The following CUX1 variants were observed in gnomAD, a reference collection of about 807,000 sequenced individuals.
CUX1 encodes protein CASP.
A neutral mutation model predicts 158.8 loss-of-function variants in CUX1; 31 were observed. That is an observed-to-expected ratio of 0.20 (90% CI 0.15 to 0.26). The LOEUF (loss-of-function observed/expected upper bound fraction) is 0.26. Ranked by LOEUF, CUX1 falls within the 10% of genes least tolerant of loss-of-function variation. CUX1 has a pLI of 1.00. For synonymous variants in CUX1, 879 were observed against 862.1 expected, an observed-to-expected ratio of 1.02 and a Z score of -0.34; for missense variants, 1,589 against 2,014.6, an observed-to-expected ratio of 0.79 and a Z score of 4.04.
At chr7:102,258,264 T>C (rs1174721955), downstream of CUX1, 1 of 869,662 alleles carries the variant, frequency 1.1e-6, no homozygotes, top group Non-Finnish European at 1.4e-6. Flanking sequence ...TTTAAAGTGC[T>C]CTGGCCTGAG....
chr7:102,059,938 C>CTA (rs1824596600), intron 3 of CUX1, among the ~76,000 whole-genome samples: 1 of 152,028 alleles, frequency 6.6e-6, no homozygotes, highest in Admixed American at 6.6e-5. Flanking sequence ...GGCATAGAGG[C>CTA]TAGTGGATTG....
At position 101,834,212 on chromosome 7, in the gene CUX1, T is replaced by G. The variant is rs531324270; in HGVS notation, c.30+16543T>G. Among the ~76,000 whole-genome samples, 34 of 146,536 alleles carry G rather than the reference T, an allele frequency of 2.3e-4. No individual in the cohort carries two copies. The South Asian group carries it at 7.4e-3, about 32-fold the overall frequency. On this transcript the variant is annotated intron_variant, in intron 1 of 23. Transcript: ENST00000292535. Reference sequence around the variant, plus strand: ...TTTTTGAGATGGAGTCTCCCTCTGTTGCCCAGGCTGGAGTGCAGTGGCACT... The same window carrying G: ...TTTTTGAGATGGAGTCTCCCTCTGTGGCCCAGGCTGGAGTGCAGTGGCACT...
chr7:101,927,926 G>T (rs1805798485), intron 2 of CUX1, among the ~76,000 whole-genome samples: 1 of 152,184 alleles, frequency 6.6e-6, no homozygotes, highest in African/African-American at 2.4e-5. Flanking sequence ...TTCCTTCCGG[G>T]AGCATCTCAG....
At chr7:102,247,281 C>G (rs1218228520) in intron 23 of CUX1, among the ~76,000 whole-genome samples, 5 of 152,120 alleles carry the variant, frequency 3.3e-5, no homozygotes, top group Non-Finnish European at 7.4e-5. Context: ...CCACAAGCCC[C>G]CAACCTGACC....
chr7:102,268,382 G>C (rs1790961983), intron 14 of CUX1, among the ~76,000 whole-genome samples: 1 of 151,960 alleles, frequency 6.6e-6, no homozygotes, highest in African/African-American at 2.4e-5. Flanking sequence ...CAGCCTCTCT[G>C]TAGCTTCTGA....
At chr7:101,986,225 C>A (rs534972317) in intron 2 of CUX1, among the ~76,000 whole-genome samples, 1 of 152,140 alleles carries the variant, frequency 6.6e-6, no homozygotes, top group Non-Finnish European at 1.5e-5. Context: ...GCACTGGGGT[C>A]GGATCTTCAT....
Position 101,857,800 on chromosome 7 carries a change from A to G in CUX1, c.30+40131A>G, listed in dbSNP as rs547098576. 4.0e-5 allele frequency among the ~76,000 whole-genome samples: 6 copies of G among 151,794 alleles called. No individual in the cohort carries two copies. In the South Asian group the frequency reaches 1.0e-3, roughly 26 times the overall value. On this transcript the variant is annotated intron_variant, in intron 1 of 23. Transcript: ENST00000292535. ...CCCCCTTAGCTCTTCCTCCTGGTGT[A>G]TTTGTAGAAATCAGCTTCATCATGG...
At chr7:102,068,588 G>A (rs985038370) in intron 3 of CUX1, among the ~76,000 whole-genome samples, 2 of 152,146 alleles carry the variant, frequency 1.3e-5, no homozygotes, top group African/African-American at 2.4e-5. Context: ...ACTAGCCATC[G>A]TCCCCCAGTT....
chr7:102,216,466 A>T (rs1394257633), intron 20 of CUX1, among the ~76,000 whole-genome samples: 1 of 151,826 alleles, frequency 6.6e-6, no homozygotes, highest in South Asian at 2.1e-4. Context: ...AGGTTTGTCC[A>T]AAGCCAGAAT....
chr7:102,045,583 C>A (rs200042086), intron 3 of CUX1, among the ~76,000 whole-genome samples: 4 of 150,200 alleles, frequency 2.7e-5, no homozygotes, highest in Non-Finnish European at 1.5e-5. Context: ...TTGAAAACAA[C>A]GGCAAGCTGG....
In CUX1 at chr7:101,916,431, G is replaced by A; in HGVS notation, c.141+206G>A. 2 of 465,982 alleles carry A rather than the reference G, an allele frequency of 4.3e-6. No homozygotes were observed. The allele number at this position is 465,982 out of a possible 1,614,324, so 28.9% of individuals were successfully genotyped here. A position where few individuals can be genotyped will look rare whatever the true frequency, so the allele number is the denominator to read the frequency against. On this transcript the variant is annotated intron_variant, in intron 2 of 23. Transcript: ENST00000292535. This position sits in a 1 kb window ranked among gnomAD's most constrained non-coding sequence, Gnocchi z 4.4. The stretch of plus-strand genomic sequence containing the variant: ...GTGGGGATGTGGAAATTGATAGGTT[G>A]TCTGGAAATATGAAAGTCAGAGCCA...
intron 2 of CUX1, among the ~76,000 whole-genome samples, chr7:102,025,438 G>A (rs1437106362): frequency 6.6e-6 from 1 of 152,086 alleles, no homozygotes; most frequent in Non-Finnish European, 1.5e-5. Flanking sequence ...GACCAGCCTG[G>A]GCAACATAGT....
chr7:102,093,187 TCA>T (rs1828807226), intron 4 of CUX1, among the ~76,000 whole-genome samples: 1 of 138,438 alleles, frequency 7.2e-6, no homozygotes, highest in East Asian at 2.2e-4. Context: ...AGACAGGGTC[TCA>T]CTCTGTCCCT....
chr7:102,208,880 G>T (rs1229944615), intron 20 of CUX1, among the ~76,000 whole-genome samples: 1 of 152,250 alleles, frequency 6.6e-6, no homozygotes, highest in Non-Finnish European at 1.5e-5. Flanking sequence ...CTGAATGTCA[G>T]TGAGAAATGC....
chr7:102,051,422 C>T (rs1241574048), intron 3 of CUX1, among the ~76,000 whole-genome samples: 5 of 151,684 alleles, frequency 3.3e-5, no homozygotes, highest in Admixed American at 6.6e-5. Flanking sequence ...CTGACGCGGG[C>T]GTATCACCTG....
At position 102,159,203 on chromosome 7, in the gene CUX1, A is replaced by G. The variant is rs551634597; in HGVS notation, c.723+595A>G. Among the ~76,000 whole-genome samples the G allele has an allele frequency of 1.6e-3, 244 of 151,728 alleles. 1 individual carries two copies. Among genetic ancestry groups the G allele is most frequent in the African/African-American group, 5.7e-3 (234 of 41,390 alleles). ...GAGAGTTCCTTAGTGTAGACATCTC[A>G]CCACGGTGTTATCCTAGGAGAGTTC... On this transcript the variant is annotated intron_variant, in intron 9 of 23. Transcript: ENST00000292535.
intron 3 of CUX1, among the ~76,000 whole-genome samples, chr7:102,038,621 C>T (rs748825655): frequency 6.6e-6 from 1 of 152,202 alleles, no homozygotes; most frequent in Non-Finnish European, 1.5e-5. Context: ...CTCACCTGTA[C>T]CTTGACGCGG....
intron 21 of CUX1, chr7:102,281,934 C>A: frequency 6.3e-7 from 1 of 1,584,418 alleles, no homozygotes; most frequent in Non-Finnish European, 8.7e-7. Flanking sequence ...AGTGTGCACA[C>A]GGGCGGGCCA....
At chr7:101,952,520 A>G (rs1033125771) in intron 2 of CUX1, among the ~76,000 whole-genome samples, 2 of 152,208 alleles carry the variant, frequency 1.3e-5, no homozygotes, top group Non-Finnish European at 2.9e-5. Context: ...CGGAACCCCG[A>G]GTACCTTTCA....
Sources: gnomAD v4.1 joint callset for allele counts (sites outside exome capture counted in the v4.1 genomes callset) on GRCh38, gnomAD v4.1.1 for gene constraint, Gnocchi (gnomAD v3.1) non-coding constraint, MANE v1.5 for transcripts, NCBI Gene and HGNC (gene_info 2026-07-23, HGNC 2026-07-21) for gene names.